Variants in SUPT5H observed in about 807,000 individuals in gnomAD.
SUPT5H encodes SPT5 homolog, DSIF elongation factor subunit, also known as transcription elongation factor SPT5.
A neutral mutation model predicts 142.5 loss-of-function variants in SUPT5H; 24 were observed. That is an observed-to-expected ratio of 0.17 (90% CI 0.12 to 0.24). SUPT5H has a LOEUF of 0.24. Ranked by LOEUF, SUPT5H falls within the 10% of genes least tolerant of loss-of-function variation. The pLI is 1.00. For missense variants in SUPT5H, 893 were observed against 1,471.8 expected, an observed-to-expected ratio of 0.61 and a Z score of 6.43; for synonymous variants, 546 against 553.0, an observed-to-expected ratio of 0.99 and a Z score of 0.18.
In SUPT5H at chr19:39,474,095, C is replaced by A; in HGVS notation, c.2625C>A (p.Asn875Lys). The A allele has an allele frequency of 6.2e-7, 1 of 1,602,008 alleles. No homozygotes were observed. Among genetic ancestry groups the A allele is most frequent in the Admixed American group, 1.7e-5 (1 of 59,160 alleles). ...CCCCACAGGTCAACCCACAATACAA[C>A]CCGCAGACGCCAGGGACGCCGGCCA... ...PSSPQVNPQYNPQTPGTPAMY... is the reference protein window; with the variant it reads ...PSSPQVNPQYKPQTPGTPAMY... Residue 875 changes from asparagine to lysine, a missense_variant, in exon 26 of 30, where the codon AAC becomes AAA. Around this residue, in one of 6 missense-constraint regions of SUPT5H, gnomAD observed 336 missense variants for 546.5 expected, o/e 0.61. Coordinates refer to ENST00000432763, the MANE Select transcript of SUPT5H (RefSeq NM_001111020.3). This position sits in a 1 kb window ranked among gnomAD's most constrained non-coding sequence, Gnocchi z 6.5.
intron 10 of SUPT5H, among the ~76,000 whole-genome samples, chr19:39,463,828 GCT>G: frequency 6.6e-6 from 1 of 152,028 alleles, no homozygotes; most frequent in Non-Finnish European, 1.5e-5. Context: ...GTATTTTGAG[GCT>G]CTGTTAGTTT....
intron 18 of SUPT5H, 46 bp from the exon 19 acceptor site, chr19:39,471,311 C>T (rs1419050539): frequency 6.8e-6 from 11 of 1,612,514 alleles, no homozygotes; most frequent in African/African-American, 1.3e-5. Flanking sequence ...CCCGTGTCTC[C>T]CCTTCCCATT....
chr19:39,468,648 A>G, intron 13 of SUPT5H, 108 bp from the exon 14 acceptor site: 1 of 930,286 alleles, frequency 1.1e-6, no homozygotes, highest in Non-Finnish European at 1.7e-6. Flanking sequence ...GGGATGGGTC[A>G]GTCTGCCTGT....
chr19:39,469,010 C>CCACTCAGCT lies in SUPT5H; in HGVS notation c.1144-68_1144-60dup, dbSNP rs1282153189. ...ATTATTCCCCTAGGACCCACTCAGCCCACTCAGCTGGGCTGTTGCACTGAC... is the reference window on the plus strand; with the variant it reads ...ATTATTCCCCTAGGACCCACTCAGCCCACTCAGCTCACTCAGCTGGGCTGTTGCACTGAC... On this transcript the variant is annotated intron_variant, in intron 14 of 29. Transcript: ENST00000432763. The surrounding 1 kb of genome is among the most constrained non-coding windows in gnomAD (Gnocchi z 5.1). 1.9e-5 allele frequency: 30 copies of CCACTCAGCT among 1,592,136 alleles called. No homozygotes were observed. Among genetic ancestry groups the CCACTCAGCT allele is most frequent in the Non-Finnish European group, 2.5e-5 (29 of 1,162,322 alleles).
At chr19:39,451,187 CTTT>C (rs36028459) in intron 2 of SUPT5H, among the ~76,000 whole-genome samples, 177 of 111,690 alleles carry the variant, frequency 1.6e-3, no homozygotes, top group Non-Finnish European at 2.1e-3. Flanking sequence ...TGAGCATGAC[CTTT>C]TTTTTTTTTT....
chr19:39,469,626 CTT>C lies in SUPT5H; in HGVS notation c.1374+231_1374+232del, dbSNP rs2079291140. On this transcript the variant is annotated intron_variant, in intron 16 of 29. Coordinates refer to ENST00000432763, the MANE Select transcript of SUPT5H (RefSeq NM_001111020.3). The surrounding 1 kb of genome is among the most constrained non-coding windows in gnomAD (Gnocchi z 5.1). ...GTCTCTGGAGAGTGACTTGGTCTAT[CTT>C]TTGTTTCTGAAAAGCAAGATATCTG... The C allele has an allele frequency of 1.6e-6, 1 of 620,248 alleles. No individual in the cohort carries two copies. Among genetic ancestry groups the C allele is most frequent in the Non-Finnish European group, 2.8e-6 (1 of 357,470 alleles). 38.4% of individuals were successfully genotyped at this position (620,248 alleles called of 1,614,324 possible).
chr19:39,452,364 G>C (rs1010837808), intron 2 of SUPT5H, among the ~76,000 whole-genome samples: 1 of 152,148 alleles, frequency 6.6e-6, no homozygotes, highest in African/African-American at 2.4e-5. Flanking sequence ...CAGGGAGAGA[G>C]GGCATGGAGG....
intron 2 of SUPT5H, among the ~76,000 whole-genome samples, chr19:39,450,217 G>A (rs905703702): frequency 2.6e-5 from 4 of 152,090 alleles, no homozygotes; most frequent in African/African-American, 9.7e-5. Context: ...GGGATTACAG[G>A]TGTGAGCCCC....
chr19:39,465,630 A>G (rs561896188), intron 11 of SUPT5H, among the ~76,000 whole-genome samples: 1 of 152,350 alleles, frequency 6.6e-6, no homozygotes, highest in African/African-American at 2.4e-5. Flanking sequence ...AAAGCCAGAA[A>G]TGCTAGACAC....
chr19:39,458,267 ACCACCACCT>A lies in SUPT5H; in HGVS notation c.308-24_308-16del, dbSNP rs770688823. The A allele has an allele frequency of 5.1e-6, 4 of 790,388 alleles. No individual in the cohort carries two copies. The highest frequency in any genetic ancestry group is 5.8e-6 in the Non-Finnish European group (3 of 513,364). The allele number at this position is 790,388 out of a possible 1,614,324, so 49.0% of individuals were successfully genotyped here. A position where few individuals can be genotyped will look rare whatever the true frequency, so the allele number is the denominator to read the frequency against. On this transcript the variant is annotated intron_variant, in intron 4 of 29. Coordinates refer to ENST00000432763, the MANE Select transcript of SUPT5H (RefSeq NM_001111020.3). The surrounding 1 kb of genome is among the most constrained non-coding windows in gnomAD (Gnocchi z 4.2). ...CACCACCACCACCACCACCACCACCACCACCACCTCCTCTTCCTCCAAGTAGAAGAGATT... is the reference window on the plus strand; with the variant it reads ...CACCACCACCACCACCACCACCACCACCTCTTCCTCCAAGTAGAAGAGATT...
intron 2 of SUPT5H, among the ~76,000 whole-genome samples, chr19:39,451,144 G>T: frequency 6.8e-6 from 1 of 147,692 alleles, no homozygotes; most frequent in African/African-American, 2.5e-5. Flanking sequence ...TCCCTAATCT[G>T]AAAATCCAGA....
intron 4 of SUPT5H, 99 bp downstream of exon 4, chr19:39,457,839 C>A (rs755438517): frequency 3.4e-5 from 53 of 1,551,070 alleles, no homozygotes; most frequent in Middle Eastern, 1.7e-4. Flanking sequence ...CTGTACACCC[C>A]AACTCCCACC....
At chr19:39,459,719 C>A in intron 9 of SUPT5H, 130 bp downstream of exon 9, 1 of 1,334,168 alleles carries the variant, frequency 7.5e-7, no homozygotes, top group Non-Finnish European at 1.1e-6. Flanking sequence ...CTCCATCCCT[C>A]ACTCCACGTT....
intron 3 of SUPT5H, among the ~76,000 whole-genome samples, chr19:39,455,516 T>C (rs73549933): frequency 0.61 from 92,556 of 150,920 alleles, 29,502 homozygotes; most frequent in African/African-American, 0.8. Flanking sequence ...GAGCCGAGAT[T>C]GCTGCACTCT....
intron 2 of SUPT5H, among the ~76,000 whole-genome samples, chr19:39,448,812 C>T (rs367757078): frequency 3.0e-4 from 46 of 152,182 alleles, no homozygotes; most frequent in African/African-American, 1.1e-3. Flanking sequence ...AACAAATGTT[C>T]TGGCTGGGTG....
In SUPT5H at chr19:39,465,745, C is replaced by T. The variant is rs1017184585; in HGVS notation, c.876+696C>T. ...AAACCCGGGAATAGCCTGGAGGGGGCCATGGGCAAGAGCGTGGAGACCAGG... is the reference window on the plus strand; with the variant it reads ...AAACCCGGGAATAGCCTGGAGGGGGTCATGGGCAAGAGCGTGGAGACCAGG... On this transcript the variant is annotated intron_variant, in intron 11 of 29. Transcript: ENST00000432763. 2.0e-5 allele frequency among the ~76,000 whole-genome samples: 3 copies of T among 152,230 alleles called. No homozygotes were observed. In the East Asian group the frequency reaches 5.8e-4, roughly 29 times the overall value.
In SUPT5H at chr19:39,459,520, C is replaced by T. The variant is rs776132750; in HGVS notation, c.525-39C>T. 1.9e-6 allele frequency: 3 copies of T among 1,612,360 alleles called. No individual in the cohort carries two copies. In the South Asian group the frequency reaches 3.3e-5, roughly 18 times the overall value. On this transcript the variant is annotated intron_variant, in intron 8 of 29. Coordinates refer to ENST00000432763, the MANE Select transcript of SUPT5H (RefSeq NM_001111020.3). ...GTTCGTCTGTTTGTTACTGAAGATC[C>T]AGCTTCACTGAAGGCCTTCCTTTTC...
At chr19:39,465,201 A>G in intron 11 of SUPT5H, 152 bp downstream of exon 11, 2 of 1,201,850 alleles carry the variant, frequency 1.7e-6, no homozygotes, top group Admixed American at 2.5e-5. Flanking sequence ...GCACACAGGA[A>G]ACGGTTGGCT....
Position 39,459,226 on chromosome 19 carries a change from G to C in SUPT5H, c.501G>C (p.Gln167His). The C allele has an allele frequency of 1.3e-6, 2 of 1,567,152 alleles. No individual in the cohort carries two copies. Among genetic ancestry groups the C allele is most frequent in the Non-Finnish European group, 1.7e-6 (2 of 1,155,450 alleles). ...ATGAGCTCTCAGACGACATCACCCA[G>C]CAGCAGCTGCTCCCAGGAGTCAAGT... ...GSDELSDDIT[Q>H]QQLLPGVKDP... is the part of the protein sequence containing the mutation. The change falls in exon 8 of 30, where the codon CAG becomes CAC. Residue 167 changes from glutamine (Q) to histidine (H), a missense_variant. Around this residue, in one of 6 missense-constraint regions of SUPT5H, gnomAD observed 428 missense variants for 763.5 expected, o/e 0.56. Coordinates refer to ENST00000432763, the MANE Select transcript of SUPT5H (RefSeq NM_001111020.3).
Sources: allele counts gnomAD v4.1 joint callset (sites outside exome capture counted in the v4.1 genomes callset), GRCh38; gene constraint gnomAD v4.1.1; regional missense constraint gnomAD v4.1.1; non-coding constraint Gnocchi (gnomAD v3.1); transcripts MANE v1.5; gene names NCBI Gene and HGNC (gene_info 2026-07-23, HGNC 2026-07-21).